The following CDH12 variants were observed in gnomAD, a reference collection of about 807,000 sequenced individuals.
CDH12 encodes cadherin 12, also known as cadherin-12.
In CDH12, 41 loss-of-function variants were observed where a neutral mutation model predicts 74.1. The observed-to-expected ratio is 0.55, with a 90% CI of 0.43 to 0.72. The LOEUF (loss-of-function observed/expected upper bound fraction) is 0.72, where lower values mean the gene tolerates loss of function less well. CDH12 is among the 30% of genes least tolerant of loss of function. CDH12 has a pLI of 0.00. For synonymous variants in CDH12, 399 were observed against 355.0 expected (o/e 1.12, Z -1.39); for missense variants, 945 against 977.2 (o/e 0.97, Z 0.44).
intron 3 of CDH12, among the ~76,000 whole-genome samples, chr5:22,252,490 C>T (rs1016846400): frequency 6.6e-6 from 1 of 151,872 alleles, no homozygotes; most frequent in Non-Finnish European, 1.5e-5. Flanking sequence ...TTTTCCTCTT[C>T]CCAAATTTTT....
intron 2 of CDH12, among the ~76,000 whole-genome samples, chr5:22,472,186 C>A (rs562130488): frequency 2.0e-5 from 3 of 152,136 alleles, no homozygotes; most frequent in African/African-American, 7.2e-5. Flanking sequence ...TTAAAAAATT[C>A]TTATTAAGTC....
chr5:22,757,485 G>C (rs1745986974), intron 1 of CDH12, among the ~76,000 whole-genome samples: 1 of 151,876 alleles, frequency 6.6e-6, no homozygotes, highest in African/African-American at 2.4e-5. Context: ...AGTATAAAAT[G>C]GTATATGGGA....
intron 3 of CDH12, among the ~76,000 whole-genome samples, chr5:22,304,989 TA>T (rs1234880081): frequency 7.2e-5 from 11 of 152,216 alleles, no homozygotes; most frequent in African/African-American, 2.4e-4. Context: ...AGTCAATTCA[TA>T]AATATTCAAA....
intron 3 of CDH12, among the ~76,000 whole-genome samples, chr5:22,235,202 T>G (rs1752520433): frequency 6.6e-6 from 1 of 152,176 alleles, no homozygotes; most frequent in African/African-American, 2.4e-5. Flanking sequence ...GCATGTATAC[T>G]AGGTCGAAAT....
chr5:22,144,072 A>G (rs1746998856), intron 4 of CDH12: 1 of 152,182 alleles, frequency 6.6e-6, no homozygotes, highest in Non-Finnish European at 1.5e-5. Flanking sequence ...TATTTTTACC[A>G]GTATTCTCAG....
At chr5:22,153,183 C>CT (rs70957094) in intron 4 of CDH12, among the ~76,000 whole-genome samples, 2,016 of 138,418 alleles carry the variant, frequency 0.015, 29 homozygotes, top group African/African-American at 0.044. Context: ...TTTTTCTTTT[C>CT]TTTTTTTTTT....
At chr5:22,704,385 C>A (rs1358877194) in intron 1 of CDH12, among the ~76,000 whole-genome samples, 3 of 151,960 alleles carry the variant, frequency 2.0e-5, no homozygotes, top group African/African-American at 7.2e-5. Flanking sequence ...GTGCAAGTGA[C>A]TTTCTGTTAT....
At chr5:21,795,471 T>C (rs1192340133) in intron 10 of CDH12, among the ~76,000 whole-genome samples, 1 of 151,868 alleles carries the variant, frequency 6.6e-6, no homozygotes, top group Non-Finnish European at 1.5e-5. Flanking sequence ...AACTATCCAC[T>C]TGCGCTAGGC....
At chr5:22,313,407 G>A (rs1474885249) in intron 3 of CDH12, among the ~76,000 whole-genome samples, 1 of 152,318 alleles carries the variant, frequency 6.6e-6, no homozygotes, top group East Asian at 1.9e-4. Context: ...CTGAGGAGAT[G>A]AATGCCTTCT....
intron 11 of CDH12, 49 bp from the exon 12 acceptor site, chr5:21,765,148 T>C: frequency 7.1e-7 from 1 of 1,410,270 alleles, no homozygotes; most frequent in Non-Finnish European, 9.4e-7. Flanking sequence ...TCCGGTCAGT[T>C]ATTGCTTCTA....
chr5:22,076,769 C>T (rs1561085460), intron 5 of CDH12, among the ~76,000 whole-genome samples: 2 of 152,194 alleles, frequency 1.3e-5, no homozygotes, highest in East Asian at 3.9e-4. Context: ...GGAGTGACTT[C>T]CTCAAAATTT....
intron 1 of CDH12, among the ~76,000 whole-genome samples, chr5:22,817,253 T>A (rs553840460): frequency 6.6e-6 from 1 of 152,122 alleles, no homozygotes; most frequent in Non-Finnish European, 1.5e-5. Flanking sequence ...TGTAGAAAAT[T>A]TGTCAGAATC....
At position 22,166,078 on chromosome 5, in the gene CDH12, C is replaced by T. The variant is rs758432612; in HGVS notation, c.-187+46420G>A. ...TTCACTTTACTCTGTGGACTCACCA[C>T]GAATTCTTTTTTGTGTGAAATCCAA... On this transcript the variant is annotated intron_variant, in intron 4 of 14. Coordinates refer to ENST00000382254, the MANE Select transcript of CDH12 (RefSeq NM_004061.5). Among the ~76,000 whole-genome samples, 11 of 152,146 alleles carry T rather than the reference C, an allele frequency of 7.2e-5. 1 individual carries two copies. Among genetic ancestry groups the T allele is most frequent in the Admixed American group, 3.9e-4 (6 of 15,278 alleles).
chr5:22,623,952 G>A (rs1017616561), intron 1 of CDH12, among the ~76,000 whole-genome samples: 1 of 152,126 alleles, frequency 6.6e-6, no homozygotes, highest in Non-Finnish European at 1.5e-5. Flanking sequence ...GCATGGTACT[G>A]GTACCAAAAC....
At chr5:22,117,123 G>A (rs932037167) in intron 4 of CDH12, among the ~76,000 whole-genome samples, 1 of 151,202 alleles carries the variant, frequency 6.6e-6, no homozygotes, top group African/African-American at 2.4e-5. Flanking sequence ...GCTTTTCTGG[G>A]TCACGGTTTC....
chr5:21,774,186 G>A (rs942120536), intron 11 of CDH12, among the ~76,000 whole-genome samples: 1 of 152,116 alleles, frequency 6.6e-6, no homozygotes, highest in Non-Finnish European at 1.5e-5. Flanking sequence ...CAGTCTGGGT[G>A]GGCACCATCT....
At chr5:22,433,032 T>C (rs1287703757) in intron 2 of CDH12, among the ~76,000 whole-genome samples, 1 of 152,078 alleles carries the variant, frequency 6.6e-6, no homozygotes, top group Non-Finnish European at 1.5e-5. Flanking sequence ...CAGAAGTGAT[T>C]AGAATTCAAT....
intron 1 of CDH12, among the ~76,000 whole-genome samples, chr5:22,728,737 G>T (rs762687543): frequency 1.3e-5 from 2 of 151,926 alleles, no homozygotes; most frequent in Middle Eastern, 3.4e-3. Flanking sequence ...CTGTCTTCTT[G>T]CTGTGTTCTC....
At chr5:22,088,605 G>A (rs1399338324) in intron 4 of CDH12, among the ~76,000 whole-genome samples, 1 of 152,128 alleles carries the variant, frequency 6.6e-6, no homozygotes, top group Non-Finnish European at 1.5e-5. Flanking sequence ...CCTCTCAGGG[G>A]AAACAGAGGC....
Sources: gnomAD v4.1 joint callset for allele counts (sites outside exome capture counted in the v4.1 genomes callset) on GRCh38, gnomAD v4.1.1 for gene constraint, MANE v1.5 for transcripts, NCBI Gene and HGNC (gene_info 2026-07-23, HGNC 2026-07-21) for gene names.